CEP152: variants seen among roughly 807,000 people sequenced by gnomAD.
CEP152 encodes the protein centrosomal protein 152, also known as centrosomal protein of 152 kDa.
Under a neutral mutation model 188.9 loss-of-function variants are expected in CEP152, and 132 were observed. The ratio of observed to expected loss-of-function variants is 0.70; its 90% CI spans 0.61 to 0.81. The LOEUF (loss-of-function observed/expected upper bound fraction) is 0.81. Among genes scored for constraint, CEP152 ranks in the 30% least tolerant of loss-of-function variants. The probability of loss-of-function intolerance (pLI) is 0.00; values close to 1 mark genes in which losing one functional copy is unlikely to be tolerated. For synonymous variants in CEP152, 649 were observed against 666.6 expected (o/e 0.97, Z 0.41); for missense variants, 1,914 against 1,969.8 (o/e 0.97, Z 0.54).
At chr15:48,780,027 G>T (rs968774510) in intron 12 of CEP152, among the ~76,000 whole-genome samples, 18 of 152,172 alleles carry the variant, frequency 1.2e-4, no homozygotes, top group African/African-American at 4.1e-4. Flanking sequence ...AGGCTGAGCT[G>T]CTGGCCGAAG....
chr15:48,750,543 T>C, intron 21 of CEP152, among the ~76,000 whole-genome samples: 1 of 152,288 alleles, frequency 6.6e-6, no homozygotes, highest in East Asian at 1.9e-4. Flanking sequence ...TACCATAAAT[T>C]GCATTTATAT....
Position 48,766,710 on chromosome 15 carries a change from G to A in CEP152, c.2280+350C>T, listed in dbSNP as rs143916566. Reference sequence around the variant, plus strand: ...ACGAATGCTCCGTGCAGCGCTCACAGGACTACATAGGGTTTCCTGAACAGT... The same window carrying A: ...ACGAATGCTCCGTGCAGCGCTCACAAGACTACATAGGGTTTCCTGAACAGT... On this transcript the variant is annotated intron_variant, in intron 17 of 26. Coordinates refer to ENST00000380950, the MANE Select transcript of CEP152 (RefSeq NM_001194998.2). Among the ~76,000 whole-genome samples the A allele has an allele frequency of 3.9e-3, 589 of 152,028 alleles. 4 individuals carry two copies. The highest frequency in any genetic ancestry group is 0.014 in the African/African-American group (575 of 41,472).
Position 48,797,995 on chromosome 15 carries a change from A to G in CEP152, c.144T>C (p.Ser48=), listed in dbSNP as rs757625427. The change falls in exon 3 of 27, where the codon TCT becomes TCC. Residue 48 remains serine, a synonymous_variant. Coordinates refer to ENST00000380950, the MANE Select transcript of CEP152 (RefSeq NM_001194998.2). ...PHDMLDDDLS[S]PELQYSDCSE... ...TGCAGTCCGAATACTGGAGCTCTGG[A>G]GAGGAGAGGTCGTCATCCAGCATGT... 5.6e-6 allele frequency: 9 copies of G among 1,613,920 alleles called. No individual in the cohort carries two copies. Among genetic ancestry groups the G allele is most frequent in the Non-Finnish European group, 7.6e-6 (9 of 1,179,978 alleles).
chr15:48,778,645 T>C (rs1441186091), intron 12 of CEP152, among the ~76,000 whole-genome samples: 1 of 152,124 alleles, frequency 6.6e-6, no homozygotes, highest in South Asian at 2.1e-4. Context: ...TCTATAGGAA[T>C]GTGCTTTAAG....
intron 12 of CEP152, among the ~76,000 whole-genome samples, chr15:48,777,468 G>C (rs1245869563): frequency 1.0e-4 from 2 of 19,208 alleles, no homozygotes; most frequent in Non-Finnish European, 4.1e-4. Context: ...TTAGAATATT[G>C]TGTGTGTGTG....
At chr15:48,730,432 A>G (rs1892382948) in intron 2 of CEP152, among the ~76,000 whole-genome samples, 1 of 152,226 alleles carries the variant, frequency 6.6e-6, no homozygotes, top group African/African-American at 2.4e-5. Flanking sequence ...TGAGGGGCTA[A>G]ATAAGCTCTC....
rs752324086 is a variant in CEP152 at position 48,770,014 on chromosome 15, A to G, written c.1783-933T>C. On this transcript the variant is annotated intron_variant, in intron 13 of 26. Coordinates refer to ENST00000380950, the MANE Select transcript of CEP152 (RefSeq NM_001194998.2). ...TCACCACCAAAGTGGAACCTCTTATATACCTTCATTGTTCATTTGTTTTTC... is the reference window on the plus strand; with the variant it reads ...TCACCACCAAAGTGGAACCTCTTATGTACCTTCATTGTTCATTTGTTTTTC... Among the ~76,000 whole-genome samples the G allele has an allele frequency of 5.2e-4, 79 of 152,348 alleles. 1 individual carries two copies. Among genetic ancestry groups the G allele is most frequent in the Non-Finnish European group, 4.4e-4 (30 of 68,030 alleles).
chr15:48,763,415 T>G lies in CEP152; in HGVS notation c.2281-743A>C, dbSNP rs553574777. Among the ~76,000 whole-genome samples the G allele has an allele frequency of 3.9e-5, 6 of 152,350 alleles. No individual in the cohort carries two copies. The East Asian group carries it at 1.2e-3, about 29-fold the overall frequency. The stretch of plus-strand genomic sequence containing the variant: ...GAGGCCAGGTGCAGTGGCTCATGCC[T>G]GTAATCCCAGCACTTTGGGAGGCTG... On this transcript the variant is annotated intron_variant, in intron 17 of 26. Transcript: ENST00000380950.
chr15:48,774,005 T>C (rs534557632), intron 12 of CEP152, among the ~76,000 whole-genome samples: 13 of 152,270 alleles, frequency 8.5e-5, no homozygotes, highest in African/African-American at 3.1e-4. Context: ...ATATTTCATA[T>C]GTTCTAGAAG....
intron 2 of CEP152, among the ~76,000 whole-genome samples, chr15:48,799,311 T>C (rs186723142): frequency 5.8e-4 from 88 of 152,258 alleles, no homozygotes; most frequent in African/African-American, 1.5e-3. Flanking sequence ...AAAATATGTA[T>C]AGTAAAAGTT....
chr15:48,798,741 T>C (rs1897488127), intron 2 of CEP152, among the ~76,000 whole-genome samples: 1 of 152,188 alleles, frequency 6.6e-6, no homozygotes, highest in Non-Finnish European at 1.5e-5. Flanking sequence ...TATTATTTTC[T>C]AGAAAAAAAT....
chr15:48,770,391 T>C (rs926058258), intron 13 of CEP152, among the ~76,000 whole-genome samples: 6 of 152,140 alleles, frequency 3.9e-5, no homozygotes, highest in East Asian at 3.9e-4. Flanking sequence ...CTTTGATCTA[T>C]TGATCAACCA....
At chr15:48,804,863 T>C (rs1371831732) in intron 2 of CEP152, among the ~76,000 whole-genome samples, 1 of 152,214 alleles carries the variant, frequency 6.6e-6, no homozygotes, top group Non-Finnish European at 1.5e-5. Context: ...CACCCAACAC[T>C]GGCTCATATA....
intron 13 of CEP152, among the ~76,000 whole-genome samples, chr15:48,771,243 A>T (rs1158000387): frequency 6.7e-6 from 1 of 149,926 alleles, no homozygotes; most frequent in Non-Finnish European, 1.5e-5. Context: ...GTTTAGTTTC[A>T]ATTTGTCTGA....
chr15:48,759,971 G>A (rs1412336840), intron 19 of CEP152, among the ~76,000 whole-genome samples, 164 bp downstream of exon 19: 2 of 152,190 alleles, frequency 1.3e-5, no homozygotes, highest in Admixed American at 1.3e-4. Flanking sequence ...AGAACAACTT[G>A]ATGATGACAA....
At chr15:48,808,259 T>TAA (rs533706360) in intron 1 of CEP152, among the ~76,000 whole-genome samples, 2 of 141,292 alleles carry the variant, frequency 1.4e-5, no homozygotes. Context: ...GAGACTTCTT[T>TAA]AAAAAAAAAA....
At position 48,756,379 on chromosome 15, in the gene CEP152, G is replaced by A. The variant is rs145813772; in HGVS notation, c.2869C>T (p.Arg957Trp). Residue 957 changes from arginine to tryptophan, a missense_variant, in exon 20 of 27, where the codon CGG (arginine) becomes TGG (tryptophan). Coordinates refer to ENST00000380950, the MANE Select transcript of CEP152 (RefSeq NM_001194998.2). ...TGCTTTTCTTTGTTCCATTCACTCC[G>A]AGCCTTAGCTAACTCAGCCCTGATG... The part of the protein sequence containing the change: ...VVIRAELAKA[R>W]SEWNKEKQEE... 49 of 1,603,232 alleles carry A rather than the reference G, an allele frequency of 3.1e-5. No individual in the cohort carries two copies. In the East Asian group the frequency reaches 7.6e-4, roughly 25 times the overall value.
At chr15:48,760,075 G>C in intron 19 of CEP152, 60 bp downstream of exon 19, 1 of 1,609,918 alleles carries the variant, frequency 6.2e-7, no homozygotes, top group Non-Finnish European at 8.5e-7. Context: ...CAAGGACTGA[G>C]ATAAGAGAAG....
Position 48,739,390 on chromosome 15 carries a change from T to A in CEP152, c.4094-102A>T, listed in dbSNP as rs951343317. The A allele has an allele frequency of 5.7e-6, 8 of 1,414,212 alleles. No homozygotes were observed. The East Asian group carries it at 7.6e-5, about 13-fold the overall frequency. 87.6% of individuals were successfully genotyped at this position (1,414,212 alleles called of 1,614,324 possible). A position where few individuals can be genotyped will look rare whatever the true frequency, so the allele number is the denominator to read the frequency against. ...AAAAAAAATTAAAAATAAGAAAAAA[T>A]TTATGTTTTTATACTGTATTCCCAA... is the stretch of plus-strand genomic sequence containing the variant. On this transcript the variant is annotated intron_variant, in intron 26 of 26. Coordinates refer to ENST00000380950, the MANE Select transcript of CEP152 (RefSeq NM_001194998.2).
Sources: gnomAD v4.1 joint callset for allele counts (sites outside exome capture counted in the v4.1 genomes callset) on GRCh38, gnomAD v4.1.1 for gene constraint, MANE v1.5 for transcripts, NCBI Gene and HGNC (gene_info 2026-07-23, HGNC 2026-07-21) for gene names.